The following CTDSPL variants were observed in gnomAD, a reference collection of about 807,000 sequenced individuals.
The protein encoded by CTDSPL is CTD small phosphatase-like protein.
A neutral mutation model predicts 30.5 loss-of-function variants in CTDSPL; 8 were observed. The ratio of observed to expected loss-of-function variants is 0.26; its 90% CI spans 0.15 to 0.47. CTDSPL has a LOEUF of 0.47. Among genes scored for constraint, CTDSPL ranks in the 20% least tolerant of loss-of-function variants. The pLI, the probability that CTDSPL is intolerant of heterozygous loss-of-function variation, is 0.99. For missense variants in CTDSPL, 248 were observed against 366.1 expected, an observed-to-expected ratio of 0.68 and a Z score of 2.63; for synonymous variants, 110 against 137.9, an observed-to-expected ratio of 0.80 and a Z score of 1.42.
chr3:37,919,130 C>T (rs1698684988), intron 1 of CTDSPL, among the ~76,000 whole-genome samples: 1 of 152,104 alleles, frequency 6.6e-6, no homozygotes, highest in African/African-American at 2.4e-5. Flanking sequence ...CCAAGCAGCT[C>T]TTTTCAGTTT....
chr3:37,930,209 T>C (rs893379512), intron 1 of CTDSPL, among the ~76,000 whole-genome samples: 24 of 152,128 alleles, frequency 1.6e-4, no homozygotes, highest in South Asian at 4.1e-4. Flanking sequence ...TTTCATTTCA[T>C]GGTCAGAAAA....
intron 1 of CTDSPL, among the ~76,000 whole-genome samples, chr3:37,918,075 A>G (rs1698670448): frequency 6.6e-6 from 1 of 152,148 alleles, no homozygotes; most frequent in Non-Finnish European, 1.5e-5. Flanking sequence ...GAAATAGGAA[A>G]CATACAGAAG....
chr3:37,883,573 C>T (rs188405467), intron 1 of CTDSPL, among the ~76,000 whole-genome samples: 3 of 152,320 alleles, frequency 2.0e-5, no homozygotes, highest in East Asian at 3.9e-4. Flanking sequence ...TCTCTTTAAA[C>T]GTCCTTGTGA....
chr3:37,867,322 G>A (rs1698022088), intron 1 of CTDSPL, among the ~76,000 whole-genome samples: 1 of 151,934 alleles, frequency 6.6e-6, no homozygotes, highest in South Asian at 2.1e-4. Flanking sequence ...TGTATTCCAT[G>A]ACATGGATAT....
At chr3:37,970,421 A>G (rs1699353427) in intron 5 of CTDSPL, among the ~76,000 whole-genome samples, 1 of 152,234 alleles carries the variant, frequency 6.6e-6, no homozygotes, top group Non-Finnish European at 1.5e-5. Flanking sequence ...CAACTACATC[A>G]GGCTGAGCTC....
chr3:37,918,555 TCA>T (rs1698675927), intron 1 of CTDSPL, among the ~76,000 whole-genome samples: 20 of 152,366 alleles, frequency 1.3e-4, no homozygotes, highest in Admixed American at 3.3e-4. Flanking sequence ...TATCCTTCAA[TCA>T]CCTTCTATGT....
At chr3:37,943,481 G>T (rs1699000880) in intron 1 of CTDSPL, among the ~76,000 whole-genome samples, 1 of 150,098 alleles carries the variant, frequency 6.7e-6, no homozygotes, top group African/African-American at 2.4e-5. Flanking sequence ...GAAAACTTTG[G>T]AATGACTTTT....
intron 1 of CTDSPL, among the ~76,000 whole-genome samples, chr3:37,943,465 G>GTGACA (rs1256711695): frequency 6.7e-6 from 1 of 149,992 alleles, no homozygotes; most frequent in Non-Finnish European, 1.5e-5. Context: ...TCAGGGAAAA[G>GTGACA]TGACAGAAAA....
intron 1 of CTDSPL, among the ~76,000 whole-genome samples, chr3:37,937,139 A>AG (rs1698925974): frequency 6.6e-6 from 1 of 150,424 alleles, no homozygotes; most frequent in East Asian, 1.9e-4. Context: ...GTGAGTACTC[A>AG]CAGCCAAGGA....
intron 1 of CTDSPL, among the ~76,000 whole-genome samples, chr3:37,930,189 A>G (rs1459626121): frequency 6.6e-6 from 1 of 151,682 alleles, no homozygotes; most frequent in Admixed American, 6.6e-5. Context: ...TTCCTTCTGT[A>G]GATTTCTAGT....
intron 2 of CTDSPL, among the ~76,000 whole-genome samples, chr3:37,955,782 C>A (rs552296159): frequency 3.3e-5 from 5 of 152,238 alleles, no homozygotes; most frequent in Admixed American, 2.6e-4. Flanking sequence ...GTGCACTAAA[C>A]CCCCATGACA....
intron 5 of CTDSPL, among the ~76,000 whole-genome samples, chr3:37,970,484 T>C (rs1367522946): frequency 6.6e-6 from 1 of 152,216 alleles, no homozygotes. Flanking sequence ...GTTTGATTTA[T>C]TTTAGTGAAG....
intron 1 of CTDSPL, among the ~76,000 whole-genome samples, chr3:37,939,943 T>G (rs1395506513): frequency 2.9e-5 from 4 of 140,216 alleles, no homozygotes; most frequent in Non-Finnish European, 6.4e-5. Flanking sequence ...AATACAAAAA[T>G]TAGCCGGGCT....
At chr3:37,872,930 G>T (rs1698093226) in intron 1 of CTDSPL, among the ~76,000 whole-genome samples, 1 of 152,152 alleles carries the variant, frequency 6.6e-6, no homozygotes, top group Admixed American at 6.5e-5. Context: ...CTTCTGTGTG[G>T]TCTCTACTGT....
intron 1 of CTDSPL, among the ~76,000 whole-genome samples, chr3:37,928,954 G>A (rs1215460027): frequency 6.6e-6 from 1 of 152,152 alleles, no homozygotes; most frequent in South Asian, 2.1e-4. Context: ...GTTGACTTTT[G>A]TGTAGGGCAT....
chr3:37,939,053 A>C (rs1487620201), intron 1 of CTDSPL, among the ~76,000 whole-genome samples: 1 of 150,160 alleles, frequency 6.7e-6, no homozygotes, highest in Non-Finnish European at 1.5e-5. Context: ...CTAAGTTTAG[A>C]CTTCACATAA....
chr3:37,945,853 T>G (rs531157008), intron 1 of CTDSPL, among the ~76,000 whole-genome samples: 1 of 152,346 alleles, frequency 6.6e-6, no homozygotes, highest in South Asian at 2.1e-4. Flanking sequence ...TCCATCTGAA[T>G]GCACTTAGTT....
intron 1 of CTDSPL, among the ~76,000 whole-genome samples, chr3:37,874,857 G>A (rs1375124553): frequency 6.6e-6 from 1 of 152,162 alleles, no homozygotes; most frequent in Admixed American, 6.6e-5. Context: ...GAAAAAGGGA[G>A]TGAAGGGATT....
At chr3:37,948,190 T>C (rs913844606) in intron 2 of CTDSPL, among the ~76,000 whole-genome samples, 4 of 151,608 alleles carry the variant, frequency 2.6e-5, no homozygotes, top group African/African-American at 9.7e-5. Context: ...AGGCTGAGGC[T>C]GGAGAATCGC....
Sources: gnomAD v4.1 joint callset for allele counts (sites outside exome capture counted in the v4.1 genomes callset) on GRCh38, gnomAD v4.1.1 for gene constraint, MANE v1.5 for transcripts, NCBI Gene and HGNC (gene_info 2026-07-23, HGNC 2026-07-21) for gene names.